FOXP2: variants seen among roughly 807,000 people sequenced by gnomAD.
FOXP2 encodes forkhead box protein P2.
Under a neutral mutation model 115.8 loss-of-function variants are expected in FOXP2, and 12 were observed. The observed-to-expected ratio is 0.10, with a 90% CI of 0.07 to 0.17. FOXP2 has a LOEUF of 0.17. Ranked by LOEUF, FOXP2 falls within the 10% of genes least tolerant of loss-of-function variation. FOXP2 has a pLI of 1.00. For missense variants in FOXP2, 629 were observed against 843.5 expected (o/e 0.75, Z 3.15); for synonymous variants, 328 against 297.7 (o/e 1.10, Z -1.05).
chr7:114,543,861 C>T (rs1310433721), intron 3 of FOXP2, among the ~76,000 whole-genome samples: 2 of 152,176 alleles, frequency 1.3e-5, no homozygotes, highest in Non-Finnish European at 2.9e-5. Flanking sequence ...AAACAAGTAT[C>T]CCCTACTTTC....
At chr7:114,557,787 C>T (rs1307056195) in intron 3 of FOXP2, among the ~76,000 whole-genome samples, 5 of 148,120 alleles carry the variant, frequency 3.4e-5, no homozygotes, top group African/African-American at 1.3e-4. Flanking sequence ...ACTGAACTGA[C>T]TTTATTTATT....
intron 3 of FOXP2, among the ~76,000 whole-genome samples, chr7:114,617,147 G>A (rs892204017): frequency 6.6e-6 from 1 of 152,082 alleles, no homozygotes; most frequent in Admixed American, 6.5e-5. Context: ...ATTCTACTTG[G>A]ATATTCTACA....
intron 1 of FOXP2, among the ~76,000 whole-genome samples, chr7:114,117,224 CTTT>C (rs749660809): frequency 2.8e-5 from 4 of 140,746 alleles, no homozygotes; most frequent in Non-Finnish European, 1.6e-5. Flanking sequence ...CATTACATTA[CTTT>C]TTTTTTTTTT....
chr7:114,392,791 A>G (rs1032308395), intron 2 of FOXP2, among the ~76,000 whole-genome samples: 1 of 152,218 alleles, frequency 6.6e-6, no homozygotes, highest in African/African-American at 2.4e-5. Context: ...GTCATTCAGA[A>G]CCAACTTAGT....
intron 16 of FOXP2, among the ~76,000 whole-genome samples, chr7:114,675,411 G>A (rs527600930): frequency 6.0e-4 from 91 of 152,054 alleles, no homozygotes; most frequent in African/African-American, 1.8e-3. Context: ...AGTAACAAAC[G>A]AAAACAAAAG....
In FOXP2 at chr7:114,690,404, T is replaced by C. The variant is rs999160320; in HGVS notation, c.*478T>C. ...TCAAGTTCAACTTGTTGCTATTGTT[T>C]TTAATTTGCACAGGAGTAGTATCAG... On this transcript the variant is annotated 3_prime_UTR_variant, in exon 17 of 17. Transcript: ENST00000350908. The C allele has an allele frequency of 8.8e-6, 4 of 453,938 alleles. No homozygotes were observed. Among genetic ancestry groups the C allele is most frequent in the Non-Finnish European group, 1.8e-5 (4 of 226,776 alleles). The allele number at this position is 453,938 out of a possible 1,614,324, so 28.1% of individuals were successfully genotyped here.
intron 16 of FOXP2, chr7:114,668,167 G>A (rs1807277206): frequency 6.6e-6 from 1 of 152,010 alleles, no homozygotes; most frequent in Admixed American, 6.6e-5. Context: ...TGATTTTTTT[G>A]ATTAGTCTTT....
chr7:114,143,206 T>C (rs535044338), intron 1 of FOXP2, among the ~76,000 whole-genome samples: 2 of 151,118 alleles, frequency 1.3e-5, no homozygotes, highest in Non-Finnish European at 3.0e-5. Context: ...CCAACTTGTA[T>C]GGAGAAATCA....
intron 2 of FOXP2, among the ~76,000 whole-genome samples, chr7:114,428,672 G>C (rs983460319): frequency 6.6e-6 from 1 of 151,350 alleles, no homozygotes; most frequent in African/African-American, 2.4e-5. Flanking sequence ...ATATAGTTAG[G>C]TACCTAAGGT....
chr7:114,526,201 G>A lies in FOXP2; in HGVS notation c.169-8416G>A, dbSNP rs1404112597. 7.6e-5 allele frequency among the ~76,000 whole-genome samples: 10 copies of A among 131,160 alleles called. No homozygotes were observed. In the East Asian group the frequency reaches 2.5e-3, roughly 33 times the overall value. The allele number at this position is 131,160 out of a possible 152,430, so 86.0% of individuals were successfully genotyped here. A position where few individuals can be genotyped will look rare whatever the true frequency, so the allele number is the denominator to read the frequency against. ...AAAAAAAAAAAAAAAAAAAAGGGCC[G>A]GACGCAGTGGCTCACGCCTCTAATC... On this transcript the variant is annotated intron_variant, in intron 2 of 16. Transcript: ENST00000350908.
chr7:114,585,178 C>T (rs1464168198), intron 3 of FOXP2, among the ~76,000 whole-genome samples: 1 of 152,110 alleles, frequency 6.6e-6, no homozygotes, highest in Non-Finnish European at 1.5e-5. Context: ...AATAGTGAGA[C>T]ATTAAGGAAT....
chr7:114,650,979 AT>A (rs1211382607), intron 8 of FOXP2, among the ~76,000 whole-genome samples: 1 of 152,066 alleles, frequency 6.6e-6, no homozygotes, highest in Non-Finnish European at 1.5e-5. Context: ...TTATAATAAA[AT>A]TAGTTTTTAT....
At chr7:114,493,223 GA>G (rs1226094331) in intron 2 of FOXP2, among the ~76,000 whole-genome samples, 4 of 152,228 alleles carry the variant, frequency 2.6e-5, no homozygotes, top group African/African-American at 7.2e-5. Context: ...CAGAGACTAT[GA>G]TTACAACCGC....
intron 1 of FOXP2, among the ~76,000 whole-genome samples, chr7:114,143,190 C>A (rs1190750170): frequency 7.0e-6 from 1 of 142,298 alleles, no homozygotes; most frequent in Non-Finnish European, 1.5e-5. Flanking sequence ...TAATAATAGC[C>A]TACTTCCAAC....
chr7:114,271,490 T>G (rs1057241266), intron 1 of FOXP2, among the ~76,000 whole-genome samples: 2 of 134,000 alleles, frequency 1.5e-5, no homozygotes, highest in Non-Finnish European at 3.1e-5. Flanking sequence ...ATATATATAT[T>G]TATATAAATA....
chr7:114,690,116 T>C lies in FOXP2; in HGVS notation c.*190T>C. 1.6e-6 allele frequency: 1 copy of C among 623,328 alleles called. No homozygotes were observed. The highest frequency in any genetic ancestry group is 3.0e-5 in the East Asian group (1 of 33,348). The allele number at this position is 623,328 out of a possible 1,614,324, so 38.6% of individuals were successfully genotyped here. A position where few individuals can be genotyped will look rare whatever the true frequency, so the allele number is the denominator to read the frequency against. ...CCAACAGGCAAATTGCTTGTTTTCT[T>C]CTTCTTCTTCTTCTTTTTTTTTTTT... On this transcript the variant is annotated 3_prime_UTR_variant, in exon 17 of 17. Transcript: ENST00000350908.
intron 3 of FOXP2, among the ~76,000 whole-genome samples, chr7:114,539,128 T>C (rs1157090359): frequency 6.6e-6 from 1 of 151,910 alleles, no homozygotes; most frequent in African/African-American, 2.4e-5. Context: ...CCAGAAATTC[T>C]ATAGTAAACT....
intron 1 of FOXP2, among the ~76,000 whole-genome samples, chr7:114,138,580 A>T (rs1792111523): frequency 1.3e-5 from 2 of 151,802 alleles, no homozygotes; most frequent in South Asian, 4.2e-4. Flanking sequence ...TTTTGTAGAG[A>T]TGGGGTTTCA....
intron 1 of FOXP2, among the ~76,000 whole-genome samples, chr7:114,094,358 A>G (rs1799600869): frequency 6.6e-6 from 1 of 152,216 alleles, no homozygotes; most frequent in Non-Finnish European, 1.5e-5. Context: ...ATAATGCCCT[A>G]CAGATCTCCC....
Sources: allele counts gnomAD v4.1 joint callset (sites outside exome capture counted in the v4.1 genomes callset), GRCh38; gene constraint gnomAD v4.1.1; transcripts MANE v1.5; gene names NCBI Gene and HGNC (gene_info 2026-07-23, HGNC 2026-07-21).